SNX2: variants seen among roughly 807,000 people sequenced by gnomAD.
SNX2 encodes sorting nexin 2, also known as sorting nexin-2.
In SNX2, 25 loss-of-function variants were observed where a neutral mutation model predicts 69.9. That is an observed-to-expected ratio of 0.36 (90% CI 0.26 to 0.50). SNX2 has a LOEUF of 0.50. Ranked by LOEUF, SNX2 falls within the 20% of genes least tolerant of loss-of-function variation. The pLI, the probability that SNX2 is intolerant of heterozygous loss-of-function variation, is 0.97. For missense variants in SNX2, 551 were observed against 613.3 expected (o/e 0.90, Z 1.07); for synonymous variants, 229 against 200.4 (o/e 1.14, Z -1.20).
intron 2 of SNX2, among the ~76,000 whole-genome samples, chr5:122,798,481 G>A (rs1753435767): frequency 6.6e-6 from 1 of 152,010 alleles, no homozygotes; most frequent in Admixed American, 6.6e-5. Flanking sequence ...CCTTATTTCA[G>A]GTAAATATGC....
chr5:122,775,005 G>C (rs1036230753), upstream of SNX2: 6 of 1,202,020 alleles, frequency 5.0e-6, no homozygotes, highest in African/African-American at 6.4e-5. Flanking sequence ...GAGGCCGGCC[G>C]GGGGCGGGGA....
intron 2 of SNX2, among the ~76,000 whole-genome samples, chr5:122,797,639 T>C (rs972132896): frequency 1.2e-4 from 18 of 152,178 alleles, no homozygotes; most frequent in Admixed American, 2.0e-4. Context: ...GAGAAACCTA[T>C]ACTCGATTTG....
At chr5:122,781,477 C>T (rs765004932) in intron 1 of SNX2, among the ~76,000 whole-genome samples, 15 of 152,136 alleles carry the variant, frequency 9.9e-5, no homozygotes, top group Non-Finnish European at 1.9e-4. Flanking sequence ...CATGTATTTA[C>T]AGGCTTTTGT....
intron 7 of SNX2, chr5:122,808,673 A>G (rs1753704843): frequency 5.9e-6 from 1 of 169,184 alleles, no homozygotes; most frequent in African/African-American, 2.4e-5. Context: ...GAATTGTATC[A>G]TAGGTAGTCA....
At chr5:122,799,479 G>T (rs1419332695) in intron 2 of SNX2, among the ~76,000 whole-genome samples, 1 of 152,090 alleles carries the variant, frequency 6.6e-6, no homozygotes, top group Admixed American at 6.6e-5. Flanking sequence ...AACTTAATAG[G>T]ATTCTTTCTA....
chr5:122,814,938 A>G (rs529975437), intron 7 of SNX2, among the ~76,000 whole-genome samples: 3 of 152,050 alleles, frequency 2.0e-5, no homozygotes, highest in South Asian at 4.2e-4. Flanking sequence ...TTTAGTAGAG[A>G]TGGGGTTTCA....
chr5:122,812,704 A>G (rs1043946553), intron 7 of SNX2, among the ~76,000 whole-genome samples: 4 of 152,226 alleles, frequency 2.6e-5, no homozygotes, highest in Non-Finnish European at 5.9e-5. Context: ...AAGCTTCACC[A>G]GGGAAAGAAT....
chr5:122,795,255 T>C lies in SNX2; in HGVS notation c.109-11T>C, dbSNP rs1753350739. ...GCCAATCCATTACCTATTATTGTTCTTTTTTAACAGTCAAGTCCATCATCT... is the reference window on the plus strand; with the variant it reads ...GCCAATCCATTACCTATTATTGTTCCTTTTTAACAGTCAAGTCCATCATCT... On this transcript the variant is annotated splice_polypyrimidine_tract_variant and intron_variant, in intron 1 of 14. Transcript: ENST00000379516. 3 of 1,581,210 alleles carry C rather than the reference T, an allele frequency of 1.9e-6. No homozygotes were observed. The highest frequency in any genetic ancestry group is 1.7e-5 in the Admixed American group (1 of 59,768).
intron 1 of SNX2, among the ~76,000 whole-genome samples, chr5:122,784,955 A>G (rs1325201380): frequency 6.6e-6 from 1 of 152,214 alleles, no homozygotes; most frequent in Non-Finnish European, 1.5e-5. Context: ...GTATCTTTTA[A>G]GGAATTTATC....
Position 122,829,640 on chromosome 5 carries a change from A to G in SNX2, c.1552A>G (p.Ile518Val). 2 of 1,613,326 alleles carry G rather than the reference A, an allele frequency of 1.2e-6. No homozygotes were observed. Among genetic ancestry groups the G allele is most frequent in the African/African-American group, 2.7e-5 (2 of 75,020 alleles). ...AGCATTCCTACCTGAAGCCAAAGCCATTGCCTAGCAATAAGATTGTTGCCG... is the reference window on the plus strand; with the variant it reads ...AGCATTCCTACCTGAAGCCAAAGCCGTTGCCTAGCAATAAGATTGTTGCCG... Reference protein sequence around the residue: ...WEAFLPEAKAIA With the variant: ...WEAFLPEAKAVA Residue 518 changes from isoleucine to valine, a missense_variant, in exon 15 of 15, where the codon ATT (isoleucine) becomes GTT (valine). Around this residue, in one of 2 missense-constraint regions of SNX2, gnomAD observed 360 missense variants for 450.4 expected, o/e 0.80. Transcript: ENST00000379516.
chr5:122,801,048 A>G (rs866738685), intron 3 of SNX2, among the ~76,000 whole-genome samples: 6 of 152,142 alleles, frequency 3.9e-5, no homozygotes, highest in African/African-American at 1.4e-4. Flanking sequence ...TTTATTAGAT[A>G]ATTAGAGAAA....
intron 5 of SNX2, among the ~76,000 whole-genome samples, 161 bp downstream of exon 5, chr5:122,802,285 T>C (rs1214608520): frequency 1.3e-5 from 2 of 152,112 alleles, no homozygotes; most frequent in Middle Eastern, 3.2e-3. Flanking sequence ...TGGTTTGATA[T>C]GTAGTGTTCA....
intron 2 of SNX2, 69 bp from the exon 3 acceptor site, chr5:122,799,623 A>T (rs1330734413): frequency 5.4e-6 from 5 of 927,444 alleles, no homozygotes; most frequent in Non-Finnish European, 7.7e-6. Flanking sequence ...ATAATCCATT[A>T]ACTGCTATGT....
chr5:122,821,036 T>G (rs1561473942), intron 11 of SNX2, among the ~76,000 whole-genome samples: 1 of 152,230 alleles, frequency 6.6e-6, no homozygotes, highest in Non-Finnish European at 1.5e-5. Context: ...TAGTTTCTAC[T>G]GAAACCTAGC....
At chr5:122,778,115 C>T (rs952640900) in intron 1 of SNX2, among the ~76,000 whole-genome samples, 22 of 152,152 alleles carry the variant, frequency 1.4e-4, no homozygotes, top group Non-Finnish European at 1.5e-5. Context: ...AACATAATGT[C>T]CTCCAAGCTC....
chr5:122,782,947 G>C (rs1362383299), intron 1 of SNX2, among the ~76,000 whole-genome samples: 1 of 150,822 alleles, frequency 6.6e-6, no homozygotes. Flanking sequence ...TTTGTTTTTT[G>C]TTTTTGTTGA....
intron 7 of SNX2, among the ~76,000 whole-genome samples, chr5:122,811,437 G>A (rs1234524554): frequency 6.6e-6 from 1 of 152,164 alleles, no homozygotes; most frequent in African/African-American, 2.4e-5. Flanking sequence ...ATAATAATAA[G>A]TGTATAAGAT....
intron 14 of SNX2, among the ~76,000 whole-genome samples, chr5:122,829,291 G>C (rs905258209): frequency 2.0e-5 from 3 of 151,982 alleles, no homozygotes; most frequent in African/African-American, 7.3e-5. Flanking sequence ...TGCAACCTCT[G>C]TCTCCTGGGT....
At chr5:122,806,134 A>ATGCGCG (rs142218645) in intron 6 of SNX2, among the ~76,000 whole-genome samples, 3 of 121,368 alleles carry the variant, frequency 2.5e-5, no homozygotes, top group Non-Finnish European at 3.7e-5. Context: ...ATATATACAC[A>ATGCGCG]CGCGCGCGCA....
Sources: allele counts gnomAD v4.1 joint callset (sites outside exome capture counted in the v4.1 genomes callset), GRCh38; gene constraint gnomAD v4.1.1; regional missense constraint gnomAD v4.1.1; transcripts MANE v1.5; gene names NCBI Gene and HGNC (gene_info 2026-07-23, HGNC 2026-07-21).